ZNF385D: variants seen among roughly 807,000 people sequenced by gnomAD.
The protein encoded by ZNF385D is zinc finger protein 385D.
Under a neutral mutation model 35.8 loss-of-function variants are expected in ZNF385D, and 15 were observed. That is an observed-to-expected ratio of 0.42 (90% CI 0.28 to 0.64). The LOEUF (loss-of-function observed/expected upper bound fraction) is 0.64, where lower values mean the gene tolerates loss of function less well. Among genes scored for constraint, ZNF385D ranks in the 30% least tolerant of loss-of-function variants. ZNF385D has a pLI of 0.23. For synonymous variants in ZNF385D, 212 were observed against 186.8 expected (o/e 1.13, Z -1.10); for missense variants, 474 against 494.6 (o/e 0.96, Z 0.39).
intron 3 of ZNF385D, among the ~76,000 whole-genome samples, chr3:21,937,385 C>G (rs985846707): frequency 6.6e-6 from 1 of 151,982 alleles, no homozygotes; most frequent in African/African-American, 2.4e-5. Flanking sequence ...AGTTATTTGC[C>G]CCATTGTGCC....
chr3:21,979,041 G>A (rs1694239521), intron 3 of ZNF385D, among the ~76,000 whole-genome samples: 1 of 152,056 alleles, frequency 6.6e-6, no homozygotes. Flanking sequence ...CTGCTCAATG[G>A]ACAGGTGACA....
At chr3:21,770,247 T>C (rs534698274) in intron 3 of ZNF385D, among the ~76,000 whole-genome samples, 1 of 152,142 alleles carries the variant, frequency 6.6e-6, no homozygotes, top group South Asian at 2.1e-4. Context: ...TGGGATCTAA[T>C]TAAACTAAAG....
At chr3:22,015,318 G>A (rs1270959857) in intron 3 of ZNF385D, among the ~76,000 whole-genome samples, 1 of 152,102 alleles carries the variant, frequency 6.6e-6, no homozygotes, top group East Asian at 1.9e-4. Flanking sequence ...ATTGCACTAT[G>A]ATTTTCAGTT....
chr3:21,811,934 G>C (rs556782331), intron 3 of ZNF385D, among the ~76,000 whole-genome samples: 14 of 152,018 alleles, frequency 9.2e-5, no homozygotes, highest in Admixed American at 9.2e-4. Context: ...CACAAATAGA[G>C]ACAACAGACA....
At chr3:21,690,362 T>C (rs1363996213) in intron 1 of ZNF385D, among the ~76,000 whole-genome samples, 1 of 152,160 alleles carries the variant, frequency 6.6e-6, no homozygotes, top group Non-Finnish European at 1.5e-5. Flanking sequence ...GATACAACCT[T>C]GCCTAGGAGT....
At chr3:21,825,712 T>C (rs1279906651) in intron 3 of ZNF385D, among the ~76,000 whole-genome samples, 1 of 152,190 alleles carries the variant, frequency 6.6e-6, no homozygotes, top group Non-Finnish European at 1.5e-5. Flanking sequence ...CTTGTCTCTT[T>C]CTCTGTGTTT....
chr3:21,439,460 T>A (rs1701750578), intron 4 of ZNF385D, among the ~76,000 whole-genome samples: 2 of 152,126 alleles, frequency 1.3e-5, no homozygotes, highest in Non-Finnish European at 2.9e-5. Flanking sequence ...TATTTAAACT[T>A]AGTTTGGCCA....
intron 3 of ZNF385D, among the ~76,000 whole-genome samples, chr3:21,935,009 C>T (rs1467126686): frequency 6.6e-6 from 1 of 152,150 alleles, no homozygotes; most frequent in Non-Finnish European, 1.5e-5. Flanking sequence ...GTACTTAGTG[C>T]ATTGGTAGCT....
intron 3 of ZNF385D, among the ~76,000 whole-genome samples, chr3:22,069,512 C>G (rs1235690324): frequency 6.6e-6 from 1 of 152,032 alleles, no homozygotes; most frequent in East Asian, 1.9e-4. Context: ...TAATGGCATG[C>G]TAACATTTTG....
At chr3:22,036,365 G>A (rs1409168900) in intron 3 of ZNF385D, among the ~76,000 whole-genome samples, 1 of 152,236 alleles carries the variant, frequency 6.6e-6, no homozygotes, top group Admixed American at 6.5e-5. Context: ...GGCCCAATGA[G>A]ACAAATGATT....
At chr3:21,727,184 A>G (rs2068801276) in intron 1 of ZNF385D, among the ~76,000 whole-genome samples, 1 of 152,216 alleles carries the variant, frequency 6.6e-6, no homozygotes, top group East Asian at 1.9e-4. Context: ...AAAATGGACT[A>G]AATACTTAAA....
At chr3:21,828,630 C>T (rs1228374981) in intron 3 of ZNF385D, among the ~76,000 whole-genome samples, 1 of 152,178 alleles carries the variant, frequency 6.6e-6, no homozygotes, top group African/African-American at 2.4e-5. Context: ...ATGGATTCAG[C>T]AGAGAACAGA....
intron 2 of ZNF385D, among the ~76,000 whole-genome samples, chr3:21,664,001 C>G (rs1234782475): frequency 1.4e-5 from 2 of 147,636 alleles, no homozygotes; most frequent in African/African-American, 5.0e-5. Flanking sequence ...TGAGTGACCT[C>G]TCATGTTAAT....
chr3:22,328,301 A>T (rs1255676522), intron 2 of ZNF385D, among the ~76,000 whole-genome samples: 1 of 151,026 alleles, frequency 6.6e-6, no homozygotes, highest in Admixed American at 6.6e-5. Context: ...TGTATGTTAC[A>T]TTTTCTTTTG....
At chr3:21,741,694 C>T (rs920949559) in intron 1 of ZNF385D, among the ~76,000 whole-genome samples, 3 of 151,830 alleles carry the variant, frequency 2.0e-5, no homozygotes, top group Non-Finnish European at 4.4e-5. Flanking sequence ...AGTCCAGCAA[C>T]ACATGGAGGA....
At chr3:22,297,621 G>A (rs898156455) in intron 2 of ZNF385D, among the ~76,000 whole-genome samples, 1 of 152,024 alleles carries the variant, frequency 6.6e-6, no homozygotes, top group Non-Finnish European at 1.5e-5. Flanking sequence ...CTAGAGGAGT[G>A]GAGCAATGAG....
At chr3:22,084,943 A>G (rs931129059) in intron 3 of ZNF385D, among the ~76,000 whole-genome samples, 3 of 152,212 alleles carry the variant, frequency 2.0e-5, no homozygotes, top group Non-Finnish European at 2.9e-5. Flanking sequence ...TCACAACTAC[A>G]TGGAAACTGA....
At chr3:22,238,940 T>C (rs1050271432) in intron 2 of ZNF385D, among the ~76,000 whole-genome samples, 2 of 150,206 alleles carry the variant, frequency 1.3e-5, no homozygotes, top group Admixed American at 1.3e-4. Context: ...TTGTACAGGC[T>C]GATCACAAAC....
intron 3 of ZNF385D, among the ~76,000 whole-genome samples, chr3:22,011,429 C>A (rs542285197): frequency 6.6e-6 from 1 of 152,060 alleles, no homozygotes. Context: ...TTATTCATTT[C>A]TTCACACTGA....
Sources: gnomAD v4.1 joint callset for allele counts (sites outside exome capture counted in the v4.1 genomes callset) on GRCh38, gnomAD v4.1.1 for gene constraint, MANE v1.5 for transcripts, NCBI Gene and HGNC (gene_info 2026-07-23, HGNC 2026-07-21) for gene names.